The following NSD2 variants were observed in gnomAD, a reference collection of about 807,000 sequenced individuals.
NSD2 encodes nuclear receptor binding SET domain protein 2, also known as histone-lysine N-methyltransferase NSD2.
Under a neutral mutation model 139.0 loss-of-function variants are expected in NSD2, and 12 were observed. That is an observed-to-expected ratio of 0.09 (90% CI 0.06 to 0.14). The LOEUF (loss-of-function observed/expected upper bound fraction) is 0.14, where lower values mean the gene tolerates loss of function less well. NSD2 is among the 10% of genes least tolerant of loss of function. The pLI, the probability that NSD2 is intolerant of heterozygous loss-of-function variation, is 1.00. For synonymous variants in NSD2, 669 were observed against 648.7 expected, an observed-to-expected ratio of 1.03 and a Z score of -0.48; for missense variants, 1,155 against 1,745.0, an observed-to-expected ratio of 0.66 and a Z score of 6.02.
chr4:1,926,614 G>T (rs944398690), intron 5 of NSD2, among the ~76,000 whole-genome samples: 1 of 151,856 alleles, frequency 6.6e-6, no homozygotes, highest in African/African-American at 2.4e-5. Context: ...GGGACTACTG[G>T]TGCACGCCAC....
At position 1,879,190 on chromosome 4, in the gene NSD2, T is replaced by C; in HGVS notation, c.-30+7648T>C. ...ATCTATGTGTATATATGTAAATATA[T>C]ACAACACTTTTTAAAATTATTTTAT... On this transcript the variant is annotated intron_variant, in intron 1 of 21. Transcript: ENST00000508803. Among the ~76,000 whole-genome samples, 3 of 152,296 alleles carry C rather than the reference T, an allele frequency of 2.0e-5. No individual in the cohort carries two copies. In the Middle Eastern group the frequency reaches 0.01, roughly 518 times the overall value.
chr4:1,946,351 T>G (rs1577513176), intron 9 of NSD2: 1 of 536,774 alleles, frequency 1.9e-6, no homozygotes, highest in East Asian at 8.8e-5. Context: ...CACTGCAACC[T>G]CCGCCTCCTT....
At position 1,942,609 on chromosome 4, in the gene NSD2, C is replaced by T; in HGVS notation, c.1881+2831C>T. 7.8e-7 allele frequency: 1 copy of T among 1,286,396 alleles called. No individual in the cohort carries two copies. 79.7% of individuals were successfully genotyped at this position (1,286,396 alleles called of 1,614,324 possible). On this transcript the variant is annotated intron_variant, in intron 9 of 21. Coordinates refer to ENST00000508803, the MANE Select transcript of NSD2 (RefSeq NM_001042424.3). This position sits in a 1 kb window ranked among gnomAD's most constrained non-coding sequence, Gnocchi z 4.0. ...GCCATTTAATCCGTCACATTCATCT[C>T]ATAATAGAAACACGTTCATATTCCA...
intron 5 of NSD2, among the ~76,000 whole-genome samples, chr4:1,929,374 T>A (rs1721356706): frequency 6.6e-6 from 1 of 152,186 alleles, no homozygotes; most frequent in Non-Finnish European, 1.5e-5. Context: ...GATGGTTCCT[T>A]ACCACTGCCA....
At chr4:1,937,656 C>T (rs2108886562) in intron 7 of NSD2, among the ~76,000 whole-genome samples, 1 of 152,316 alleles carries the variant, frequency 6.6e-6, no homozygotes, top group South Asian at 2.1e-4. Flanking sequence ...CAAGTGCATT[C>T]TCCTGTCGCC....
At chr4:1,966,112 A>G (rs1258027946) in intron 18 of NSD2, among the ~76,000 whole-genome samples, 1 of 152,212 alleles carries the variant, frequency 6.6e-6, no homozygotes, top group Non-Finnish European at 1.5e-5. Flanking sequence ...TTCAAAGATA[A>G]GGGTGAAATT....
At chr4:1,938,625 C>A in intron 8 of NSD2, 93 bp downstream of exon 8, 1 of 1,090,956 alleles carries the variant, frequency 9.2e-7, no homozygotes, top group Non-Finnish European at 1.4e-6. Context: ...AAGGCTGGGG[C>A]TGGTGAAGGG....
At chr4:1,938,569 G>A in intron 8 of NSD2, 37 bp downstream of exon 8, 1 of 1,570,798 alleles carries the variant, frequency 6.4e-7, no homozygotes, top group South Asian at 1.1e-5. Flanking sequence ...TTGGCTTCTG[G>A]GTGCCCAGGC....
chr4:1,940,612 T>TC lies in NSD2; in HGVS notation c.1881+835dup, dbSNP rs558327214. 3.1e-5 allele frequency: 33 copies of TC among 1,063,356 alleles called. No individual in the cohort carries two copies. The South Asian group carries it at 1.2e-3, about 38-fold the overall frequency. 65.9% of individuals were successfully genotyped at this position (1,063,356 alleles called of 1,614,324 possible). A position where few individuals can be genotyped will look rare whatever the true frequency, so the allele number is the denominator to read the frequency against. On this transcript the variant is annotated intron_variant, in intron 9 of 21. Transcript: ENST00000508803. ...ATTTGGTTCTCCGTGATGCTGTTTT[T>TC]CTCATTGTAGACATGGGTCCTGTTT... is the stretch of plus-strand genomic sequence containing the variant.
chr4:1,953,075 G>T, intron 11 of NSD2: 1 of 1,469,378 alleles, frequency 6.8e-7, no homozygotes, highest in Non-Finnish European at 9.0e-7. Context: ...CCCCAGCCAG[G>T]CTGCCTAGTA....
chr4:1,915,451 A>G (rs1451327285), intron 3 of NSD2, among the ~76,000 whole-genome samples: 1 of 152,050 alleles, frequency 6.6e-6, no homozygotes, highest in South Asian at 2.1e-4. Flanking sequence ...AGAATTTCAA[A>G]TATCTCTTTG....
Position 1,939,749 on chromosome 4 carries a change from TCTC to T in NSD2, c.1855_1857del (p.Pro619del). Reference sequence around the variant, plus strand: ...AGCTCTTGGGTTTAGCAAAAGTTCATCTCCTTCTGCATCCTTAACTGAGAATGA... The same window carrying T: ...AGCTCTTGGGTTTAGCAAAAGTTCATCTTCTGCATCCTTAACTGAGAATGA... On this transcript the variant is annotated inframe_deletion, in exon 9 of 22. Transcript: ENST00000508803. 1.2e-6 allele frequency: 2 copies of T among 1,614,228 alleles called. No homozygotes were observed. The highest frequency in any genetic ancestry group is 1.7e-6 in the Non-Finnish European group (2 of 1,180,040).
chr4:1,872,629 A>AGC (rs1713938812), intron 1 of NSD2, among the ~76,000 whole-genome samples: 53 of 142,692 alleles, frequency 3.7e-4, no homozygotes, highest in Middle Eastern at 3.5e-3. Context: ...AGAGAGAGAG[A>AGC]GAGAGAGCGC....
chr4:1,980,928 C>T lies in NSD2; in HGVS notation c.*2019C>T, dbSNP rs10034373. 0.029 allele frequency: 6,850 copies of T among 233,184 alleles called. 429 individuals carry two copies. Among genetic ancestry groups the T allele is most frequent in the African/African-American group, 0.14 (6,368 of 45,394 alleles). The allele number at this position is 233,184 out of a possible 1,614,324, so 14.4% of individuals were successfully genotyped here. Reference sequence around the variant, plus strand: ...TTGGAAGGTTGTTCTAGGGACAGGCCGGGCAGTGTCCCCACACACACCTTA... The same window carrying T: ...TTGGAAGGTTGTTCTAGGGACAGGCTGGGCAGTGTCCCCACACACACCTTA... On this transcript the variant is annotated 3_prime_UTR_variant, in exon 22 of 22. Coordinates refer to ENST00000508803, the MANE Select transcript of NSD2 (RefSeq NM_001042424.3).
rs1487788546 is a variant in NSD2 at position 1,872,581 on chromosome 4, TGTGTGTGTGTGAGAGAGA to T, written c.-30+1041_-30+1058del. Among the ~76,000 whole-genome samples the T allele has an allele frequency of 2.7e-4, 18 of 66,196 alleles. 1 individual carries two copies. The highest frequency in any genetic ancestry group is 8.9e-4 in the African/African-American group (17 of 19,162). The allele number at this position is 66,196 out of a possible 152,430, so 43.4% of individuals were successfully genotyped here. A position where few individuals can be genotyped will look rare whatever the true frequency, so the allele number is the denominator to read the frequency against. On this transcript the variant is annotated intron_variant, in intron 1 of 21. Transcript: ENST00000508803. ...CGTGTATTTTGTGTGTGTGTGTGTG[TGTGTGTGTGTGAGAGAGA>T]GAGAGAGAGAGAGAGAGAGAGAGAG...
chr4:1,965,385 C>T (rs1284198353), intron 18 of NSD2, among the ~76,000 whole-genome samples: 7 of 152,118 alleles, frequency 4.6e-5, no homozygotes, highest in Admixed American at 6.5e-5. Flanking sequence ...ATGTGGGCTA[C>T]CACCAAGCAG....
intron 1 of NSD2, among the ~76,000 whole-genome samples, chr4:1,882,083 G>A (rs1258450297): frequency 2.0e-5 from 3 of 152,212 alleles, no homozygotes; most frequent in Admixed American, 6.5e-5. Context: ...TCCTCAGATT[G>A]CTCTGTAGAT....
chr4:1,961,399 G>A (rs1459062424), intron 18 of NSD2, among the ~76,000 whole-genome samples: 10 of 152,234 alleles, frequency 6.6e-5, no homozygotes, highest in Non-Finnish European at 1.5e-4. Flanking sequence ...CATGCAGAGC[G>A]TTCCCAGCAG....
chr4:1,925,467 C>T (rs1294695892), intron 5 of NSD2, among the ~76,000 whole-genome samples: 9 of 136,714 alleles, frequency 6.6e-5, no homozygotes, highest in African/African-American at 1.4e-4. Context: ...GGCGCCACCT[C>T]GGCCCACTGC....
Sources: allele counts gnomAD v4.1 joint callset (sites outside exome capture counted in the v4.1 genomes callset), GRCh38; gene constraint gnomAD v4.1.1; non-coding constraint Gnocchi (gnomAD v3.1); transcripts MANE v1.5; gene names NCBI Gene and HGNC (gene_info 2026-07-23, HGNC 2026-07-21).